SHISA9: variants seen among roughly 807,000 people sequenced by gnomAD.
SHISA9 encodes protein shisa-9.
In SHISA9, 13 loss-of-function variants were observed where a neutral mutation model predicts 38.0. The observed-to-expected ratio is 0.34, with a 90% confidence interval of 0.22 to 0.54. The LOEUF (loss-of-function observed/expected upper bound fraction) is 0.54, where lower values mean the gene tolerates loss of function less well. Among genes scored for constraint, SHISA9 ranks in the 20% least tolerant of loss-of-function variants. The pLI is 0.91. For missense variants in SHISA9, 538 were observed against 575.8 expected (o/e 0.93, Z 0.67); for synonymous variants, 275 against 242.0 (o/e 1.14, Z -1.27).
intron 2 of SHISA9, among the ~76,000 whole-genome samples, chr16:13,044,108 T>C (rs1429102766): frequency 6.6e-6 from 1 of 152,188 alleles, no homozygotes; most frequent in Non-Finnish European, 1.5e-5. Context: ...ACTCAACCTG[T>C]GGTCTGTTTC....
At chr16:13,072,735 G>A (rs1356676726) in intron 2 of SHISA9, among the ~76,000 whole-genome samples, 4 of 151,024 alleles carry the variant, frequency 2.6e-5, no homozygotes, top group Admixed American at 6.6e-5. Flanking sequence ...ATCTCAGCTC[G>A]CTGCAACCTC....
intron 2 of SHISA9, among the ~76,000 whole-genome samples, chr16:13,135,972 G>A (rs949954202): frequency 6.6e-6 from 1 of 152,204 alleles, no homozygotes; most frequent in Admixed American, 6.5e-5. Flanking sequence ...ATTTGAAACT[G>A]AGAGTTCTGG....
At chr16:13,182,248 C>T (rs1449039274) in intron 2 of SHISA9, among the ~76,000 whole-genome samples, 5 of 152,122 alleles carry the variant, frequency 3.3e-5, no homozygotes, top group South Asian at 2.1e-4. Flanking sequence ...CTTATTTTAT[C>T]GGTGAGGGAC....
At chr16:13,186,460 G>T (rs1221915425) in intron 2 of SHISA9, among the ~76,000 whole-genome samples, 1 of 151,540 alleles carries the variant, frequency 6.6e-6, no homozygotes, top group African/African-American at 2.4e-5. Context: ...ACCACACCCG[G>T]CTAATTTTTG....
intron 2 of SHISA9, among the ~76,000 whole-genome samples, chr16:13,135,373 A>T (rs1490373389): frequency 6.6e-6 from 1 of 152,238 alleles, no homozygotes; most frequent in East Asian, 1.9e-4. Flanking sequence ...ATCAGCAGAT[A>T]GCCTGCAACT....
intron 2 of SHISA9, among the ~76,000 whole-genome samples, chr16:12,937,604 C>G (rs2071551126): frequency 6.6e-6 from 1 of 152,160 alleles, no homozygotes; most frequent in South Asian, 2.1e-4. Context: ...GGAGAGGGCT[C>G]CCTTCCTGGC....
At chr16:13,426,668 C>G in the SHISA9 span, among the ~76,000 whole-genome samples, 1 of 152,200 alleles carries the variant, frequency 6.6e-6, no homozygotes, top group Non-Finnish European at 1.5e-5. Flanking sequence ...TAAGAGGAAG[C>G]AAAGGCCACA....
At chr16:13,259,269 A>T in the SHISA9 span, among the ~76,000 whole-genome samples, 2 of 152,240 alleles carry the variant, frequency 1.3e-5, no homozygotes, top group African/African-American at 2.4e-5. Context: ...GTTCATGCTG[A>T]TGCAAGAGGT....
the SHISA9 span, among the ~76,000 whole-genome samples, chr16:13,396,156 A>G: frequency 6.6e-6 from 1 of 152,168 alleles, no homozygotes; most frequent in Non-Finnish European, 1.5e-5. Context: ...TAGAATCTCA[A>G]ACTCTACAGT....
At chr16:13,003,886 T>C (rs59443112) in intron 2 of SHISA9, among the ~76,000 whole-genome samples, 1 of 146,038 alleles carries the variant, frequency 6.8e-6, no homozygotes, top group Non-Finnish European at 1.5e-5. Flanking sequence ...ATAATAATAA[T>C]AATAAGAAGA....
chr16:13,207,878 T>C (rs1435689586), intron 3 of SHISA9, among the ~76,000 whole-genome samples: 3 of 152,230 alleles, frequency 2.0e-5, no homozygotes, highest in Non-Finnish European at 4.4e-5. Flanking sequence ...TAAAAAATGG[T>C]TTGCCATTGA....
At chr16:13,242,180 A>G (rs2051440136), downstream of SHISA9, among the ~76,000 whole-genome samples, 1 of 152,220 alleles carries the variant, frequency 6.6e-6, no homozygotes, top group East Asian at 1.9e-4. Context: ...CAATTCAACT[A>G]GTAAGTGGTA....
chr16:13,013,919 C>T (rs1007057170), intron 2 of SHISA9, among the ~76,000 whole-genome samples: 15 of 151,990 alleles, frequency 9.9e-5, no homozygotes, highest in African/African-American at 3.1e-4. Flanking sequence ...TTAGTAGAGA[C>T]GGGGTTTCAC....
chr16:13,204,357 G>A (rs1290771312), intron 3 of SHISA9, among the ~76,000 whole-genome samples: 2 of 152,146 alleles, frequency 1.3e-5, no homozygotes, highest in African/African-American at 4.8e-5. Flanking sequence ...GTGAGGCAGG[G>A]TGGCTGGGCG....
chr16:12,953,226 A>G (rs540129706), intron 2 of SHISA9, among the ~76,000 whole-genome samples: 33 of 152,246 alleles, frequency 2.2e-4, no homozygotes, highest in African/African-American at 7.9e-4. Flanking sequence ...AACAACAACA[A>G]CAACAACAAC....
At chr16:13,185,269 A>G (rs768074227) in intron 2 of SHISA9, among the ~76,000 whole-genome samples, 1 of 152,182 alleles carries the variant, frequency 6.6e-6, no homozygotes, top group African/African-American at 2.4e-5. Flanking sequence ...TGGCACAATC[A>G]TAGTTCATTG....
Position 12,930,888 on chromosome 16 carries a change from TATCCTATAATAAGGCAATC to T in SHISA9, c.691+14078_691+14096del, listed in dbSNP as rs1433129339. Among the ~76,000 whole-genome samples the T allele has an allele frequency of 2.0e-5, 3 of 152,190 alleles. 1 individual carries two copies. The highest frequency in any genetic ancestry group is 2.0e-4 in the Admixed American group (3 of 15,264). ...ATAACAACTCCACAGATCAATTTCA[TATCCTATAATAAGGCAATC>T]ATCCAATGGCAAGCCCCAAGCCCTG... is the stretch of plus-strand genomic sequence containing the variant. On this transcript the variant is annotated intron_variant, in intron 2 of 4. Transcript: ENST00000558583.
At chr16:12,945,726 AGAT>A in intron 2 of SHISA9, among the ~76,000 whole-genome samples, 1 of 152,354 alleles carries the variant, frequency 6.6e-6, no homozygotes, top group South Asian at 2.1e-4. Flanking sequence ...GACTTAAATG[AGAT>A]GATATATGTA....
rs537868631 is a variant in SHISA9, at chr16:13,057,368, A to G, written c.691+140553A>G. ...ATGTTTTCAAAGTAGGGAGTGTCGG[A>G]TTCACCGTATCCTAATTGCCTGGGG... On this transcript the variant is annotated intron_variant, in intron 2 of 4. Transcript: ENST00000558583. Among the ~76,000 whole-genome samples, 85 of 152,270 alleles carry G rather than the reference A, an allele frequency of 5.6e-4. 1 individual carries two copies. Among genetic ancestry groups the G allele is most frequent in the African/African-American group, 1.9e-3 (81 of 41,564 alleles).
Sources: allele counts gnomAD v4.1 joint callset (sites outside exome capture counted in the v4.1 genomes callset), GRCh38; gene constraint gnomAD v4.1.1; transcripts MANE v1.5; gene names NCBI Gene and HGNC (gene_info 2026-07-23, HGNC 2026-07-21).